Variants in TAF5L observed in about 807,000 individuals in gnomAD.
The protein encoded by TAF5L is TATA-box binding protein associated factor 5 like.
Under a neutral mutation model 51.3 loss-of-function variants are expected in TAF5L, and 7 were observed. The observed-to-expected ratio is 0.14, with a 90% confidence interval of 0.08 to 0.26. TAF5L has a LOEUF of 0.26. TAF5L is among the 10% of genes least tolerant of loss of function. The pLI, the probability that TAF5L is intolerant of heterozygous loss-of-function variation, is 1.00. For missense variants in TAF5L, 575 were observed against 758.9 expected (o/e 0.76, Z 2.85); for synonymous variants, 291 against 308.1 (o/e 0.94, Z 0.58).
intron 2 of TAF5L, chr1:229,614,024 T>A (rs1664881963): frequency 1.7e-6 from 1 of 592,800 alleles, no homozygotes; most frequent in Admixed American, 2.9e-5. Context: ...AAGGGTCTTG[T>A]AGGTTAATTG....
intron 1 of TAF5L, among the ~76,000 whole-genome samples, chr1:229,617,236 T>C (rs1665038416): frequency 6.6e-6 from 1 of 152,216 alleles, no homozygotes; most frequent in Non-Finnish European, 1.5e-5. Context: ...GATATGTATA[T>C]AAATAATTTC....
In TAF5L at chr1:229,601,930, AG is replaced by A. The variant is rs1313684160; in HGVS notation, c.972+264del. On this transcript the variant is annotated intron_variant, in intron 4 of 4. Transcript: ENST00000258281. Reference sequence around the variant, plus strand: ...CAATATTAGCTAAAGGTCTTTCATTAGGCTTAGTGTTGCTATCCACATTTCA... The same window carrying A: ...CAATATTAGCTAAAGGTCTTTCATTAGCTTAGTGTTGCTATCCACATTTCA... 2.7e-5 allele frequency: 33 copies of A among 1,232,374 alleles called. No homozygotes were observed. In the East Asian group the frequency reaches 1.3e-3, roughly 49 times the overall value. The allele number at this position is 1,232,374 out of a possible 1,614,324, so 76.3% of individuals were successfully genotyped here.
chr1:229,622,467 TTCTGTAAGTGCTG>T (rs1279930606), intron 1 of TAF5L, among the ~76,000 whole-genome samples: 5 of 152,168 alleles, frequency 3.3e-5, no homozygotes, highest in Non-Finnish European at 5.9e-5. Context: ...TCTTCATGCT[TTCTGTAAGTGCTG>T]TCTAAGCTTT....
At chr1:229,598,688 CTCTTTTTTTTTTTTTTT>C (rs1406371257) in intron 4 of TAF5L, among the ~76,000 whole-genome samples, 3 of 128,422 alleles carry the variant, frequency 2.3e-5, no homozygotes, top group African/African-American at 5.3e-5. Flanking sequence ...GGTTGGATAT[CTCTTTTTTTTTTTTTTT>C]TCTTTTTTTT....
intron 4 of TAF5L, among the ~76,000 whole-genome samples, chr1:229,596,914 A>C (rs1444145433): frequency 6.6e-6 from 1 of 152,184 alleles, no homozygotes; most frequent in East Asian, 1.9e-4. Context: ...AAATAAAATG[A>C]ATGCCTCCCA....
At chr1:229,607,027 T>C in intron 3 of TAF5L, 1 of 985,456 alleles carries the variant, frequency 1.0e-6, no homozygotes, top group Non-Finnish European at 1.2e-6. Flanking sequence ...CAAGTCTTTA[T>C]CTTTCTCCTA....
At chr1:229,610,346 T>C (rs924305315) in intron 2 of TAF5L, 136 bp from the exon 3 acceptor site, 16 of 739,982 alleles carry the variant, frequency 2.2e-5, no homozygotes, top group African/African-American at 1.8e-4. Context: ...TTCCAAAGCA[T>C]GCTGGGTCCT....
intron 2 of TAF5L, 50 bp downstream of exon 2, chr1:229,614,291 T>G (rs1206281615): frequency 6.2e-7 from 1 of 1,614,206 alleles, no homozygotes; most frequent in East Asian, 2.2e-5. Flanking sequence ...GATATTGACG[T>G]GAGTTCTCCT....
rs564453093 is a variant in TAF5L, at chr1:229,625,400, C to G, written c.-4+485G>C. Among the ~76,000 whole-genome samples the G allele has an allele frequency of 3.8e-3, 574 of 152,248 alleles. 4 individuals carry two copies. Among genetic ancestry groups the G allele is most frequent in the African/African-American group, 0.013 (555 of 41,562 alleles). Reference sequence around the variant, plus strand: ...GCTCCCCCGTGTCACACGCGGAGATCGACTCCACACCCACCCACGCACGAT... The same window carrying G: ...GCTCCCCCGTGTCACACGCGGAGATGGACTCCACACCCACCCACGCACGAT... On this transcript the variant is annotated intron_variant, in intron 1 of 4. Coordinates refer to ENST00000258281, the Ensembl canonical transcript of TAF5L. The surrounding 1 kb of genome is among the most constrained non-coding windows in gnomAD (Gnocchi z 4.0).
intron 4 of TAF5L, among the ~76,000 whole-genome samples, chr1:229,596,421 C>T (rs573182437): frequency 6.6e-6 from 1 of 152,296 alleles, no homozygotes; most frequent in Non-Finnish European, 1.5e-5. Context: ...GCCTAGTGAC[C>T]AGCCACAAAC....
At chr1:229,595,243 C>T in intron 4 of TAF5L, 149 bp from the exon 5 acceptor site, 1 of 769,220 alleles carries the variant, frequency 1.3e-6, no homozygotes, top group Non-Finnish European at 2.0e-6. Flanking sequence ...GTGGCCTTGC[C>T]CTTGAACGCT....
intron 1 of TAF5L, among the ~76,000 whole-genome samples, chr1:229,623,022 A>G (rs1445955046): frequency 6.6e-6 from 1 of 152,198 alleles, no homozygotes; most frequent in Non-Finnish European, 1.5e-5. Context: ...CGGGCCTGTA[A>G]TCTCAGCACT....
chr1:229,610,309 C>T (rs1297695328), intron 2 of TAF5L, 99 bp from the exon 3 acceptor site: 10 of 1,050,862 alleles, frequency 9.5e-6, no homozygotes, highest in Admixed American at 4.1e-5. Context: ...TGTGCACACA[C>T]GCACAGCAAC....
intron 2 of TAF5L, among the ~76,000 whole-genome samples, chr1:229,611,520 A>C (rs1393492313): frequency 1.3e-5 from 2 of 152,184 alleles, no homozygotes; most frequent in Non-Finnish European, 2.9e-5. Context: ...AACCTACTCC[A>C]GGAGAAGGAA....
intron 2 of TAF5L, among the ~76,000 whole-genome samples, chr1:229,613,433 G>A (rs940108135): frequency 4.6e-5 from 7 of 151,766 alleles, no homozygotes; most frequent in African/African-American, 7.3e-5. Context: ...AATTACAGTC[G>A]GCCCTCTGTA....
chr1:229,600,898 T>C, intron 4 of TAF5L: 1 of 985,264 alleles, frequency 1.0e-6, no homozygotes, highest in Non-Finnish European at 1.2e-6. Flanking sequence ...TCATCAAAGC[T>C]AATAAGGTCA....
chr1:229,612,815 C>T (rs887204658), intron 2 of TAF5L, among the ~76,000 whole-genome samples: 8 of 151,982 alleles, frequency 5.3e-5, no homozygotes, highest in Admixed American at 3.9e-4. Flanking sequence ...AAATGGAGCA[C>T]GTGGTGAAAG....
chr1:229,608,976 C>T (rs569821690), intron 3 of TAF5L, among the ~76,000 whole-genome samples: 1 of 152,280 alleles, frequency 6.6e-6, no homozygotes, highest in African/African-American at 2.4e-5. Flanking sequence ...TGCACTCCTG[C>T]CTGGGCAACA....
intron 1 of TAF5L, among the ~76,000 whole-genome samples, chr1:229,616,374 A>ATTTATTTATTAT (rs1665004796): frequency 1.3e-5 from 1 of 76,020 alleles, no homozygotes; most frequent in Non-Finnish European, 3.3e-5. Flanking sequence ...ATTTATTTAT[A>ATTTATTTATTAT]TTTTTTTTTT....
Sources: gnomAD v4.1 joint callset for allele counts (sites outside exome capture counted in the v4.1 genomes callset) on GRCh38, gnomAD v4.1.1 for gene constraint, Gnocchi (gnomAD v3.1) non-coding constraint, MANE v1.5 for transcripts, NCBI Gene and HGNC (gene_info 2026-07-23, HGNC 2026-07-21) for gene names.